CHCHD3: variants seen among roughly 807,000 people sequenced by gnomAD.
CHCHD3 encodes coiled-coil-helix-coiled-coil-helix domain containing 3.
CHCHD3 carries 20 observed loss-of-function variants against 38.2 expected under a neutral mutation model. The ratio of observed to expected loss-of-function variants is 0.52; its 90% confidence interval spans 0.37 to 0.76. The LOEUF (loss-of-function observed/expected upper bound fraction) is 0.76. Among genes scored for constraint, CHCHD3 ranks in the 30% least tolerant of loss-of-function variants. The pLI, the probability that CHCHD3 is intolerant of heterozygous loss-of-function variation, is 0.00. For synonymous variants in CHCHD3, 82 were observed against 100.0 expected (o/e 0.82, Z 1.07); for missense variants, 245 against 279.2 (o/e 0.88, Z 0.87).
intron 5 of CHCHD3, among the ~76,000 whole-genome samples, chr7:132,861,513 C>A (rs1234365925): frequency 6.6e-6 from 1 of 152,188 alleles, no homozygotes; most frequent in Non-Finnish European, 1.5e-5. Flanking sequence ...GTGTCCCCAG[C>A]CCATGTCTTG....
chr7:132,978,149 CA>C (rs1811820780), intron 3 of CHCHD3, among the ~76,000 whole-genome samples: 1 of 152,068 alleles, frequency 6.6e-6, no homozygotes, highest in African/African-American at 2.4e-5. Context: ...AATATACACT[CA>C]ATAAATGTTA....
At chr7:132,926,328 C>T (rs1321375815) in intron 4 of CHCHD3, among the ~76,000 whole-genome samples, 5 of 152,178 alleles carry the variant, frequency 3.3e-5, no homozygotes, top group Non-Finnish European at 5.9e-5. Context: ...CAGTCTCAAT[C>T]ACTGAGAAAG....
intron 1 of CHCHD3, among the ~76,000 whole-genome samples, chr7:133,078,791 G>A (rs1023475023): frequency 1.3e-5 from 2 of 152,206 alleles, no homozygotes; most frequent in African/African-American, 4.8e-5. Flanking sequence ...GAATTAGTAA[G>A]CTTGGTAAAC....
chr7:132,943,838 T>C (rs1282481835), intron 4 of CHCHD3, among the ~76,000 whole-genome samples: 1 of 152,160 alleles, frequency 6.6e-6, no homozygotes, highest in African/African-American at 2.4e-5. Context: ...TATTTCACTA[T>C]CTGTCTCTTC....
intron 2 of CHCHD3, among the ~76,000 whole-genome samples, chr7:133,038,487 A>G (rs1443919482): frequency 1.3e-5 from 2 of 152,210 alleles, no homozygotes; most frequent in African/African-American, 4.8e-5. Context: ...AGGAAATGTT[A>G]GAGAGCCAAG....
chr7:132,993,276 C>T (rs1486923516), intron 3 of CHCHD3, among the ~76,000 whole-genome samples: 1 of 152,186 alleles, frequency 6.6e-6, no homozygotes, highest in East Asian at 1.9e-4. Flanking sequence ...TTATCACCTC[C>T]TCTCAAACTC....
At chr7:132,828,287 T>C (rs536115491) in intron 6 of CHCHD3, among the ~76,000 whole-genome samples, 1 of 152,294 alleles carries the variant, frequency 6.6e-6, no homozygotes, top group East Asian at 1.9e-4. Flanking sequence ...ATTAGTATTG[T>C]CAGTCTTCTT....
chr7:132,943,936 T>C (rs1371057972), intron 4 of CHCHD3, among the ~76,000 whole-genome samples: 2 of 152,036 alleles, frequency 1.3e-5, no homozygotes, highest in East Asian at 1.9e-4. Flanking sequence ...TGCTAATAAG[T>C]AGGCAAGTAA....
At chr7:132,969,595 T>C (rs1811561041) in intron 4 of CHCHD3, among the ~76,000 whole-genome samples, 1 of 152,248 alleles carries the variant, frequency 6.6e-6, no homozygotes, top group Non-Finnish European at 1.5e-5. Context: ...GTAGTTAGGC[T>C]TGACATTTCT....
chr7:132,852,918 C>T (rs73724115), intron 5 of CHCHD3, among the ~76,000 whole-genome samples: 1,695 of 152,282 alleles, frequency 0.011, 35 homozygotes, highest in African/African-American at 0.036. Flanking sequence ...ATAATTCATT[C>T]TGATTCAGAA....
At chr7:132,929,300 ACT>A (rs142881955) in intron 4 of CHCHD3, among the ~76,000 whole-genome samples, 10 of 146,332 alleles carry the variant, frequency 6.8e-5, no homozygotes, top group Non-Finnish European at 9.0e-5. Flanking sequence ...TCACTTCTTG[ACT>A]CTCTCTCTCT....
chr7:133,077,676 T>C (rs1341438929), intron 1 of CHCHD3, among the ~76,000 whole-genome samples: 1 of 152,242 alleles, frequency 6.6e-6, no homozygotes, highest in African/African-American at 2.4e-5. Context: ...ACAAAAATCC[T>C]ATCAACCACA....
intron 4 of CHCHD3, among the ~76,000 whole-genome samples, chr7:132,911,262 A>G (rs1809941546): frequency 6.6e-6 from 1 of 152,214 alleles, no homozygotes; most frequent in African/African-American, 2.4e-5. Flanking sequence ...GGTCCCAGTC[A>G]AGGAAGTAGC....
chr7:132,893,866 G>A (rs1370990231), intron 4 of CHCHD3, among the ~76,000 whole-genome samples: 1 of 152,144 alleles, frequency 6.6e-6, no homozygotes, highest in Non-Finnish European at 1.5e-5. Flanking sequence ...GGCCTCCTCA[G>A]CCATGTGAAA....
At chr7:133,021,616 C>T (rs1447286443) in intron 3 of CHCHD3, among the ~76,000 whole-genome samples, 1 of 152,118 alleles carries the variant, frequency 6.6e-6, no homozygotes, top group African/African-American at 2.4e-5. Flanking sequence ...TGATAGAAGA[C>T]ATTTTGGAAT....
At chr7:132,884,282 T>C (rs1037576111) in intron 5 of CHCHD3, among the ~76,000 whole-genome samples, 1 of 152,184 alleles carries the variant, frequency 6.6e-6, no homozygotes. Context: ...TTCTTCCCTC[T>C]GTACCCAACT....
chr7:133,037,936 G>A (rs976778574), intron 2 of CHCHD3, among the ~76,000 whole-genome samples: 2 of 152,168 alleles, frequency 1.3e-5, no homozygotes, highest in Middle Eastern at 3.4e-3. Context: ...TGTTTACCAA[G>A]AACACATTTT....
rs544478818 is a variant in CHCHD3, at chr7:132,824,737, C to T, written c.524+13662G>A. 3.3e-5 allele frequency among the ~76,000 whole-genome samples: 5 copies of T among 152,264 alleles called. No individual in the cohort carries two copies. In the South Asian group the frequency reaches 8.3e-4, roughly 25 times the overall value. On this transcript the variant is annotated intron_variant, in intron 6 of 7. Transcript: ENST00000262570. ...CTTTGTGGTCTCATATTCCACTAGACCTCTCCCACACTGTTTCAGCCATTT... is the reference window on the plus strand; with the variant it reads ...CTTTGTGGTCTCATATTCCACTAGATCTCTCCCACACTGTTTCAGCCATTT...
chr7:132,935,895 T>A (rs756755498), intron 4 of CHCHD3, among the ~76,000 whole-genome samples: 1 of 152,116 alleles, frequency 6.6e-6, no homozygotes, highest in Non-Finnish European at 1.5e-5. Flanking sequence ...TGCTGCATTA[T>A]CCTTTGGCAG....
Sources: allele counts gnomAD v4.1 joint callset (sites outside exome capture counted in the v4.1 genomes callset), GRCh38; gene constraint gnomAD v4.1.1; transcripts MANE v1.5; gene names NCBI Gene and HGNC (gene_info 2026-07-23, HGNC 2026-07-21).